Variants in RHBDL3 observed in about 807,000 individuals in gnomAD.
RHBDL3 encodes the protein rhomboid like 3.
Under a neutral mutation model 48.2 loss-of-function variants are expected in RHBDL3, and 28 were observed. The observed-to-expected ratio is 0.58, with a 90% CI of 0.43 to 0.80. The LOEUF is 0.80. RHBDL3 is among the 30% of genes least tolerant of loss of function. RHBDL3 has a pLI of 0.00. For missense variants in RHBDL3, 464 were observed against 542.7 expected, an observed-to-expected ratio of 0.85 and a Z score of 1.44; for synonymous variants, 208 against 232.3, an observed-to-expected ratio of 0.90 and a Z score of 0.95.
chr17:32,311,357 C>A (rs2040844345), intron 7 of RHBDL3, among the ~76,000 whole-genome samples: 1 of 152,072 alleles, frequency 6.6e-6, no homozygotes. Context: ...GGAAGTAAGG[C>A]AGCTGGTTGG....
intron 2 of RHBDL3, among the ~76,000 whole-genome samples, chr17:32,270,326 C>G (rs563866028): frequency 6.6e-6 from 1 of 151,876 alleles, no homozygotes; most frequent in Admixed American, 6.6e-5. Context: ...CAAGCAGACA[C>G]CAGTGGTAGC....
At chr17:32,283,251 G>T (rs1287432394) in intron 2 of RHBDL3, among the ~76,000 whole-genome samples, 2 of 151,800 alleles carry the variant, frequency 1.3e-5, no homozygotes, top group South Asian at 2.1e-4. Context: ...GGTGGGCTCC[G>T]TGAGGAAAGG....
At chr17:32,285,794 C>G (rs16967244) in intron 3 of RHBDL3, among the ~76,000 whole-genome samples, 21,681 of 152,134 alleles carry the variant, frequency 0.14, 1,642 homozygotes, top group African/African-American at 0.16. Flanking sequence ...TGAAGCGCCC[C>G]AGACTCCTAA....
At chr17:32,313,751 C>CGTT (rs1483811676) in intron 7 of RHBDL3, among the ~76,000 whole-genome samples, 2 of 98,638 alleles carry the variant, frequency 2.0e-5, no homozygotes, top group East Asian at 5.6e-4. Flanking sequence ...AATTCCCTCC[C>CGTT]TTTTTTTTTT....
intron 2 of RHBDL3, 102 bp downstream of exon 2, chr17:32,268,027 G>C (rs1219841642): frequency 1.1e-6 from 1 of 870,402 alleles, no homozygotes; most frequent in Non-Finnish European, 2.0e-6. Flanking sequence ...TCCTGAGATG[G>C]TGACGTGGGG....
At chr17:32,296,008 C>T (rs779261167) in intron 5 of RHBDL3, among the ~76,000 whole-genome samples, 2 of 151,996 alleles carry the variant, frequency 1.3e-5, no homozygotes, top group Admixed American at 6.6e-5. Context: ...AGGCGGATCA[C>T]GAGGTCAGGA....
chr17:32,310,568 G>A (rs1478198132), intron 7 of RHBDL3, among the ~76,000 whole-genome samples: 1 of 151,814 alleles, frequency 6.6e-6, no homozygotes, highest in Non-Finnish European at 1.5e-5. Flanking sequence ...CAAAAATTAG[G>A]TGGGCGTGGT....
At chr17:32,278,328 T>C (rs1345038346) in intron 2 of RHBDL3, among the ~76,000 whole-genome samples, 1 of 152,052 alleles carries the variant, frequency 6.6e-6, no homozygotes, top group Non-Finnish European at 1.5e-5. Context: ...GGGGCTATGT[T>C]TCATTCAACC....
chr17:32,272,532 G>A (rs543062581), intron 2 of RHBDL3, among the ~76,000 whole-genome samples: 10 of 152,238 alleles, frequency 6.6e-5, no homozygotes, highest in East Asian at 1.9e-4. Flanking sequence ...ACAAAGCCAC[G>A]GGCTTAACTG....
intron 6 of RHBDL3, 38 bp downstream of exon 6, chr17:32,298,242 C>T (rs757591043): frequency 2.1e-6 from 3 of 1,406,232 alleles, no homozygotes; most frequent in Admixed American, 1.7e-5. Flanking sequence ...AGGCACACTG[C>T]CCCAGGGTGG....
At chr17:32,292,109 G>T (rs1310608228) in intron 4 of RHBDL3, among the ~76,000 whole-genome samples, 1 of 151,888 alleles carries the variant, frequency 6.6e-6, no homozygotes, top group African/African-American at 2.4e-5. Context: ...CATATGCCCT[G>T]ATTAAGAACA....
intron 2 of RHBDL3, among the ~76,000 whole-genome samples, chr17:32,278,275 C>T (rs1022352680): frequency 1.1e-4 from 16 of 151,938 alleles, no homozygotes; most frequent in African/African-American, 7.3e-5. Context: ...TCCAGCCTGG[C>T]GATAGAGTGA....
intron 4 of RHBDL3, among the ~76,000 whole-genome samples, chr17:32,292,535 G>A (rs1185700531): frequency 6.6e-6 from 1 of 152,044 alleles, no homozygotes; most frequent in East Asian, 1.9e-4. Flanking sequence ...TTATAGTGGA[G>A]GGCTCACGCT....
intron 2 of RHBDL3, among the ~76,000 whole-genome samples, chr17:32,279,841 T>C (rs1391916281): frequency 6.6e-6 from 1 of 152,092 alleles, no homozygotes; most frequent in Admixed American, 6.5e-5. Flanking sequence ...TTTCTGGAAC[T>C]CTCTTCCTCC....
At chr17:32,297,224 T>C (rs975929250) in intron 5 of RHBDL3, among the ~76,000 whole-genome samples, 2 of 151,156 alleles carry the variant, frequency 1.3e-5, no homozygotes, top group South Asian at 2.1e-4. Flanking sequence ...TCCCAAAACT[T>C]TGGGAGGCCG....
chr17:32,289,850 A>G (rs550721735), intron 4 of RHBDL3, among the ~76,000 whole-genome samples: 1 of 152,250 alleles, frequency 6.6e-6, no homozygotes, highest in Admixed American at 6.5e-5. Context: ...CCGCCTCTGC[A>G]TATGTTCTTG....
intron 2 of RHBDL3, among the ~76,000 whole-genome samples, chr17:32,275,680 G>T (rs1194371626): frequency 1.3e-5 from 2 of 152,208 alleles, no homozygotes; most frequent in Non-Finnish European, 2.9e-5. Flanking sequence ...TAATCAGCCT[G>T]GCTGCCCCAT....
Position 32,287,652 on chromosome 17 carries a change from C to T in RHBDL3, c.295-1140C>T, listed in dbSNP as rs569866470. 1.1e-3 allele frequency among the ~76,000 whole-genome samples: 164 copies of T among 152,296 alleles called. 1 individual carries two copies. Among genetic ancestry groups the T allele is most frequent in the African/African-American group, 3.5e-3 (145 of 41,574 alleles). On this transcript the variant is annotated intron_variant, in intron 3 of 8. Transcript: ENST00000269051. Reference sequence around the variant, plus strand: ...CTGACAGGGCCTACAACCCCTGTGCCGTGGTCTGGCCTGGTTTACCTCACC... The same window carrying T: ...CTGACAGGGCCTACAACCCCTGTGCTGTGGTCTGGCCTGGTTTACCTCACC...
intron 7 of RHBDL3, among the ~76,000 whole-genome samples, chr17:32,307,347 C>T (rs2040734635): frequency 6.6e-6 from 1 of 152,150 alleles, no homozygotes; most frequent in Admixed American, 6.6e-5. Context: ...GTGTCTTCGC[C>T]CACGTGGCAG....
Sources: allele counts gnomAD v4.1 joint callset (sites outside exome capture counted in the v4.1 genomes callset), GRCh38; gene constraint gnomAD v4.1.1; transcripts MANE v1.5; gene names NCBI Gene and HGNC (gene_info 2026-07-23, HGNC 2026-07-21).